The following LRMDA variants were observed in gnomAD, a reference collection of about 807,000 sequenced individuals.
LRMDA encodes the protein leucine rich melanocyte differentiation associated, also known as leucine-rich melanocyte differentiation-associated protein.
LRMDA carries 18 observed loss-of-function variants against 29.8 expected under a neutral mutation model. The ratio of observed to expected loss-of-function variants is 0.60; its 90% CI spans 0.42 to 0.90. The LOEUF (loss-of-function observed/expected upper bound fraction) is 0.90. Ranked by LOEUF, LRMDA falls within the 40% of genes least tolerant of loss-of-function variation. The pLI, the probability that LRMDA is intolerant of heterozygous loss-of-function variation, is 0.00. For missense variants in LRMDA, 273 were observed against 273.9 expected, an observed-to-expected ratio of 1.00 and a Z score of 0.02; for synonymous variants, 125 against 109.4, an observed-to-expected ratio of 1.14 and a Z score of -0.89.
At chr10:76,049,386 CTG>C (rs1423782160) in intron 4 of LRMDA, among the ~76,000 whole-genome samples, 1 of 152,242 alleles carries the variant, frequency 6.6e-6, no homozygotes, top group Non-Finnish European at 1.5e-5. Flanking sequence ...TGCTTGCACT[CTG>C]AGAGAATCAG....
chr10:75,949,433 C>A (rs960852577), intron 2 of LRMDA, among the ~76,000 whole-genome samples: 6 of 152,176 alleles, frequency 3.9e-5, no homozygotes, highest in African/African-American at 1.4e-4. Context: ...TAGAAAGTCT[C>A]AGGGGATAGC....
At chr10:75,858,350 G>A (rs1470780999) in intron 2 of LRMDA, among the ~76,000 whole-genome samples, 1 of 152,132 alleles carries the variant, frequency 6.6e-6, no homozygotes, top group Non-Finnish European at 1.5e-5. Flanking sequence ...GCTCCTTCTG[G>A]TACCTGTCGC....
In LRMDA at chr10:76,379,435, A is replaced by T. The variant is rs769816120; in HGVS notation, c.601+54950A>T. Among the ~76,000 whole-genome samples the T allele has an allele frequency of 2.0e-5, 3 of 150,924 alleles. No homozygotes were observed. In the East Asian group the frequency reaches 5.9e-4, roughly 30 times the overall value. On this transcript the variant is annotated intron_variant, in intron 6 of 6. Coordinates refer to ENST00000611255, the MANE Select transcript of LRMDA (RefSeq NM_001305581.2). ...TGTTATTGGTTTATTCAGGGTTTCTATTTTTTCCTGGTTCAATTTTGGGGG... is the reference window on the plus strand; with the variant it reads ...TGTTATTGGTTTATTCAGGGTTTCTTTTTTTTCCTGGTTCAATTTTGGGGG...
chr10:75,517,308 G>T (rs1456107058), intron 2 of LRMDA, among the ~76,000 whole-genome samples: 2 of 152,132 alleles, frequency 1.3e-5, no homozygotes, highest in Non-Finnish European at 2.9e-5. Flanking sequence ...CCATTTTCAT[G>T]ATATTGATTC....
intron 4 of LRMDA, among the ~76,000 whole-genome samples, chr10:76,047,816 C>T (rs1026392998): frequency 3.9e-5 from 6 of 152,316 alleles, no homozygotes; most frequent in African/African-American, 1.2e-4. Context: ...AGCTCATAGA[C>T]AATCTCAAGA....
At chr10:76,205,612 T>C (rs1851519703) in intron 5 of LRMDA, among the ~76,000 whole-genome samples, 1 of 152,196 alleles carries the variant, frequency 6.6e-6, no homozygotes. Context: ...TGAATCATAA[T>C]GCTACTGAGA....
At chr10:76,146,319 G>A (rs1263115323) in intron 5 of LRMDA, among the ~76,000 whole-genome samples, 1 of 151,718 alleles carries the variant, frequency 6.6e-6, no homozygotes, top group Non-Finnish European at 1.5e-5. Flanking sequence ...TTAATGTGTG[G>A]GAGTCTAAGT....
chr10:76,193,002 C>A (rs1402838962), intron 5 of LRMDA, among the ~76,000 whole-genome samples: 1 of 152,268 alleles, frequency 6.6e-6, no homozygotes, highest in African/African-American at 2.4e-5. Flanking sequence ...TTTAAGTATG[C>A]CCCTCCTCTT....
At chr10:76,097,758 G>T (rs766765843) in intron 5 of LRMDA, among the ~76,000 whole-genome samples, 37 of 152,138 alleles carry the variant, frequency 2.4e-4, no homozygotes, top group Non-Finnish European at 5.0e-4. Context: ...TGCATTCCCA[G>T]GATAAACCCT....
rs192677572 is a variant in LRMDA at position 76,115,546 on chromosome 10, G to C, written c.516+56763G>C. Among the ~76,000 whole-genome samples the C allele has an allele frequency of 8.5e-5, 13 of 152,372 alleles. No individual in the cohort carries two copies. The East Asian group carries it at 2.5e-3, about 29-fold the overall frequency. On this transcript the variant is annotated intron_variant, in intron 5 of 6. Coordinates refer to ENST00000611255, the MANE Select transcript of LRMDA (RefSeq NM_001305581.2). ...ATTGCCTTAGAGGCGGATGAGATGG[G>C]AGGAGGTGCAGGGAGACAGGGAGCT...
intron 2 of LRMDA, among the ~76,000 whole-genome samples, chr10:75,615,009 A>G (rs1389152570): frequency 1.3e-5 from 2 of 152,220 alleles, no homozygotes; most frequent in African/African-American, 2.4e-5. Flanking sequence ...AAGAACAGCC[A>G]TGGCTTATGA....
At chr10:75,903,175 T>G (rs1031662944) in intron 2 of LRMDA, among the ~76,000 whole-genome samples, 1 of 152,204 alleles carries the variant, frequency 6.6e-6, no homozygotes, top group Non-Finnish European at 1.5e-5. Context: ...TTGAGGGAAT[T>G]TCCTAAATTT....
At chr10:75,943,794 A>G (rs1227266285) in intron 2 of LRMDA, among the ~76,000 whole-genome samples, 1 of 152,212 alleles carries the variant, frequency 6.6e-6, no homozygotes, top group Non-Finnish European at 1.5e-5. Context: ...TTGGGTAGTT[A>G]TCTAGCTCAA....
chr10:75,464,457 G>A (rs545657570), intron 2 of LRMDA, among the ~76,000 whole-genome samples: 22 of 152,276 alleles, frequency 1.4e-4, no homozygotes, highest in African/African-American at 4.6e-4. Flanking sequence ...TTAGGGTTGG[G>A]CATATACCAA....
chr10:76,016,517 G>C (rs554307031), intron 2 of LRMDA, among the ~76,000 whole-genome samples: 1 of 152,224 alleles, frequency 6.6e-6, no homozygotes, highest in East Asian at 1.9e-4. Flanking sequence ...CGAGTTTTCT[G>C]ACTAAATGCT....
intron 2 of LRMDA, among the ~76,000 whole-genome samples, chr10:76,018,740 G>A (rs929479808): frequency 6.6e-6 from 1 of 151,616 alleles, no homozygotes; most frequent in African/African-American, 2.4e-5. Flanking sequence ...GCTGATTTTT[G>A]TATTTTTAGT....
intron 2 of LRMDA, among the ~76,000 whole-genome samples, chr10:76,034,164 G>A (rs1848199677): frequency 1.3e-5 from 2 of 152,122 alleles, no homozygotes; most frequent in African/African-American, 4.8e-5. Context: ...GCCTAGATGT[G>A]CGTACATTGT....
chr10:75,836,385 G>A lies in LRMDA; in HGVS notation c.132-199623G>A, dbSNP rs142927819. The stretch of plus-strand genomic sequence containing the variant: ...AAAGAAATCAGGTCAAGGAATTTAA[G>A]CACTGAGTCTAGGAGGATTCAGAAG... On this transcript the variant is annotated intron_variant, in intron 2 of 6. Transcript: ENST00000611255. Among the ~76,000 whole-genome samples, 67 of 152,320 alleles carry A rather than the reference G, an allele frequency of 4.4e-4. 4 individuals are homozygous for A. In the East Asian group the frequency reaches 0.013, roughly 29 times the overall value.
chr10:75,453,193 C>T (rs1589148502), intron 2 of LRMDA, among the ~76,000 whole-genome samples: 1 of 152,156 alleles, frequency 6.6e-6, no homozygotes, highest in African/African-American at 2.4e-5. Flanking sequence ...CTGTGAATGC[C>T]TTCAGAGACA....
Sources: allele counts gnomAD v4.1 joint callset (sites outside exome capture counted in the v4.1 genomes callset), GRCh38; gene constraint gnomAD v4.1.1; transcripts MANE v1.5; gene names NCBI Gene and HGNC (gene_info 2026-07-23, HGNC 2026-07-21).